Variants in NXPH2 observed in about 807,000 individuals in gnomAD.
The protein encoded by NXPH2 is neurexophilin-2.
A neutral mutation model predicts 19.8 loss-of-function variants in NXPH2; 5 were observed. The observed-to-expected ratio is 0.25, with a 90% confidence interval of 0.13 to 0.53. The LOEUF is 0.53. Ranked by LOEUF, NXPH2 falls within the 20% of genes least tolerant of loss-of-function variation. NXPH2 has a pLI of 0.96. For synonymous variants in NXPH2, 154 were observed against 127.4 expected (o/e 1.21, Z -1.41); for missense variants, 289 against 322.8 (o/e 0.90, Z 0.80).
rs766057783 is a variant in NXPH2 at position 138,734,299 on chromosome 2, C to T, written c.51+45892G>A. On this transcript the variant is annotated intron_variant, in intron 1 of 1. Transcript: ENST00000272641. Reference sequence around the variant, plus strand: ...CTGTAAAGGGCAGGTCTAGAATTCACAGAAGTCACTGAGAAGCAGGATTTA... The same window carrying T: ...CTGTAAAGGGCAGGTCTAGAATTCATAGAAGTCACTGAGAAGCAGGATTTA... Among the ~76,000 whole-genome samples, 133 of 152,130 alleles carry T rather than the reference C, an allele frequency of 8.7e-4. 1 individual carries two copies. The highest frequency in any genetic ancestry group is 3.8e-4 in the Non-Finnish European group (26 of 68,030).
At chr2:138,683,645 A>C (rs1350576993) in intron 1 of NXPH2, among the ~76,000 whole-genome samples, 4 of 152,182 alleles carry the variant, frequency 2.6e-5, no homozygotes. Context: ...TTATGTGTCC[A>C]TTTGGCTAGG....
chr2:138,712,983 C>T (rs966535859), intron 1 of NXPH2, among the ~76,000 whole-genome samples: 4 of 152,172 alleles, frequency 2.6e-5, no homozygotes, highest in African/African-American at 9.7e-5. Flanking sequence ...TGGTGATGGT[C>T]TTCACATGAT....
At chr2:138,769,873 T>C (rs1350136913) in intron 1 of NXPH2, among the ~76,000 whole-genome samples, 2 of 152,184 alleles carry the variant, frequency 1.3e-5, no homozygotes, top group South Asian at 4.1e-4. Flanking sequence ...CTCCCCTAGC[T>C]ACCATTCTTA....
Position 138,730,160 on chromosome 2 carries a change from T to C in NXPH2, c.51+50031A>G, listed in dbSNP as rs566170156. On this transcript the variant is annotated intron_variant, in intron 1 of 1. Coordinates refer to ENST00000272641, the MANE Select transcript of NXPH2 (RefSeq NM_007226.3). ...GACTAGGGCCTGCCCATATGACATA[T>C]GACTTTTTAACCTAAAGTTCCCCCA... 1.2e-4 allele frequency among the ~76,000 whole-genome samples: 18 copies of C among 152,074 alleles called. No homozygotes were observed. In the South Asian group the frequency reaches 2.7e-3, roughly 23 times the overall value.
intron 1 of NXPH2, among the ~76,000 whole-genome samples, chr2:138,743,212 A>C (rs528192980): frequency 6.6e-6 from 1 of 152,358 alleles, no homozygotes; most frequent in Non-Finnish European, 1.5e-5. Flanking sequence ...CATATACCAC[A>C]AGTTATCTCT....
chr2:138,717,628 C>CAATGTATG (rs1681213555), intron 1 of NXPH2, among the ~76,000 whole-genome samples: 3 of 151,942 alleles, frequency 2.0e-5, no homozygotes, highest in African/African-American at 7.3e-5. Flanking sequence ...GTTAGAATTT[C>CAATGTATG]AATGTATGAA....
At chr2:138,766,892 G>C (rs909778417) in intron 1 of NXPH2, among the ~76,000 whole-genome samples, 4 of 152,086 alleles carry the variant, frequency 2.6e-5, no homozygotes, top group Non-Finnish European at 5.9e-5. Flanking sequence ...AGTAAACAAA[G>C]ATGCATACTG....
chr2:138,716,397 C>T (rs959983951), intron 1 of NXPH2, among the ~76,000 whole-genome samples: 1 of 152,164 alleles, frequency 6.6e-6, no homozygotes, highest in African/African-American at 2.4e-5. Flanking sequence ...AGCTCCCTCT[C>T]TCTGCAATGT....
chr2:138,743,729 G>A (rs1223064873), intron 1 of NXPH2, among the ~76,000 whole-genome samples: 2 of 152,056 alleles, frequency 1.3e-5, no homozygotes, highest in Non-Finnish European at 2.9e-5. Context: ...GTAGCCAGGC[G>A]TGGTGGCTCA....
intron 1 of NXPH2, among the ~76,000 whole-genome samples, chr2:138,675,538 A>G (rs1032910049): frequency 2.6e-5 from 4 of 152,122 alleles, no homozygotes; most frequent in Admixed American, 2.6e-4. Context: ...AATAATAGCA[A>G]TAGGACATTA....
At chr2:138,731,819 C>G (rs1681457797) in intron 1 of NXPH2, among the ~76,000 whole-genome samples, 1 of 152,050 alleles carries the variant, frequency 6.6e-6, no homozygotes, top group Non-Finnish European at 1.5e-5. Flanking sequence ...CTAATCAAGT[C>G]CAGCTTCTTC....
At chr2:138,764,652 T>A (rs1471509134) in intron 1 of NXPH2, among the ~76,000 whole-genome samples, 1 of 152,182 alleles carries the variant, frequency 6.6e-6, no homozygotes, top group East Asian at 1.9e-4. Context: ...GGACTATCTA[T>A]CTATCTATCT....
chr2:138,712,101 T>A (rs1159897190), intron 1 of NXPH2, among the ~76,000 whole-genome samples: 4 of 152,206 alleles, frequency 2.6e-5, no homozygotes, highest in Admixed American at 2.6e-4. Context: ...TGGGCAGAAC[T>A]GCCTCTCAGG....
rs747947275 is a variant in NXPH2, at chr2:138,673,563, G to A, written c.52-1898C>T. 9.6e-4 allele frequency among the ~76,000 whole-genome samples: 146 copies of A among 151,912 alleles called. 2 individuals carry two copies. Among genetic ancestry groups the A allele is most frequent in the Non-Finnish European group, 4.0e-4 (27 of 67,966 alleles). ...ACTACTTTAAAATATACAACACGTTGTTGCTAACTATAGTATAGTCACCCT... is the reference window on the plus strand; with the variant it reads ...ACTACTTTAAAATATACAACACGTTATTGCTAACTATAGTATAGTCACCCT... On this transcript the variant is annotated intron_variant, in intron 1 of 1. Coordinates refer to ENST00000272641, the MANE Select transcript of NXPH2 (RefSeq NM_007226.3).
intron 1 of NXPH2, among the ~76,000 whole-genome samples, chr2:138,756,078 A>G (rs1681904870): frequency 1.3e-5 from 2 of 151,934 alleles, no homozygotes; most frequent in South Asian, 2.1e-4. Context: ...CTTTGTATTG[A>G]TTCTTTGGGA....
In NXPH2 at chr2:138,673,775, G is replaced by A. The variant is rs144092939; in HGVS notation, c.52-2110C>T. The stretch of plus-strand genomic sequence containing the variant: ...TTACAGGTATGAGTCACCATGCCTG[G>A]ACTAGAACTTATTTCTTCCATCTAA... On this transcript the variant is annotated intron_variant, in intron 1 of 1. Coordinates refer to ENST00000272641, the MANE Select transcript of NXPH2 (RefSeq NM_007226.3). Among the ~76,000 whole-genome samples the A allele has an allele frequency of 4.7e-4, 71 of 151,620 alleles. 1 individual carries two copies. Among genetic ancestry groups the A allele is most frequent in the African/African-American group, 1.7e-3 (71 of 41,302 alleles).
intron 1 of NXPH2, among the ~76,000 whole-genome samples, chr2:138,676,684 G>A (rs1214963582): frequency 3.3e-5 from 5 of 152,172 alleles, no homozygotes; most frequent in African/African-American, 1.2e-4. Context: ...TAAGGCATTC[G>A]ATGACTGATG....
intron 1 of NXPH2, among the ~76,000 whole-genome samples, chr2:138,724,093 C>A (rs1004961634): frequency 2.0e-5 from 3 of 152,162 alleles, no homozygotes; most frequent in Admixed American, 6.5e-5. Context: ...CCTCCTCCTA[C>A]CCTCCACTTT....
intron 1 of NXPH2, among the ~76,000 whole-genome samples, chr2:138,704,386 C>T (rs4074050): frequency 0.5 from 75,995 of 151,702 alleles, 21,159 homozygotes; most frequent in South Asian, 0.75. Flanking sequence ...TATCAGCAGT[C>T]TAAGATAGAT....
Sources: gnomAD v4.1 joint callset for allele counts (sites outside exome capture counted in the v4.1 genomes callset) on GRCh38, gnomAD v4.1.1 for gene constraint, MANE v1.5 for transcripts, NCBI Gene and HGNC (gene_info 2026-07-23, HGNC 2026-07-21) for gene names.